Variants in PACRG observed in about 807,000 individuals in gnomAD.
PACRG encodes the protein parkin coregulated, also known as parkin coregulated gene protein.
A neutral mutation model predicts 29.7 loss-of-function variants in PACRG; 29 were observed. The observed-to-expected ratio is 0.98, with a 90% CI of 0.73 to 1.33. The LOEUF (loss-of-function observed/expected upper bound fraction) is 1.33, where lower values mean the gene tolerates loss of function less well. Among genes scored for constraint, PACRG ranks in the 40% most tolerant of loss-of-function variants. The pLI is 0.00. For missense variants in PACRG, 279 were observed against 316.2 expected, an observed-to-expected ratio of 0.88 and a Z score of 0.89; for synonymous variants, 116 against 118.7, an observed-to-expected ratio of 0.98 and a Z score of 0.15.
At chr6:162,765,966 C>T (rs556960269) in intron 1 of PACRG, among the ~76,000 whole-genome samples, 6 of 151,954 alleles carry the variant, frequency 3.9e-5, no homozygotes, top group Non-Finnish European at 8.8e-5. Flanking sequence ...TTTGTGTATA[C>T]TTACAGAGTA....
chr6:162,784,368 C>T (rs887344990), intron 1 of PACRG, among the ~76,000 whole-genome samples: 1 of 152,124 alleles, frequency 6.6e-6, no homozygotes, highest in Non-Finnish European at 1.5e-5. Context: ...CTCGATCTCC[C>T]TTGTCTGCGT....
chr6:162,947,238 A>C (rs897932825), intron 2 of PACRG, among the ~76,000 whole-genome samples: 1 of 141,730 alleles, frequency 7.1e-6, no homozygotes, highest in African/African-American at 2.8e-5. Flanking sequence ...TATAATATAG[A>C]TATATAAACA....
At chr6:163,194,232 G>T (rs1301599641) in intron 4 of PACRG, among the ~76,000 whole-genome samples, 1 of 152,120 alleles carries the variant, frequency 6.6e-6, no homozygotes, top group Non-Finnish European at 1.5e-5. Flanking sequence ...CATAGACTCA[G>T]TGCTCCTTTC....
intron 4 of PACRG, among the ~76,000 whole-genome samples, chr6:163,159,681 C>G (rs1778471510): frequency 6.6e-6 from 1 of 152,184 alleles, no homozygotes. Flanking sequence ...GACCCAATTA[C>G]TTGTCCTTTC....
At chr6:162,748,360 G>T (rs1245887031) in intron 1 of PACRG, among the ~76,000 whole-genome samples, 1 of 152,122 alleles carries the variant, frequency 6.6e-6, no homozygotes, top group Middle Eastern at 3.2e-3. Flanking sequence ...AGGCGTGGTG[G>T]CACCTGCCTG....
At chr6:162,735,096 T>C (rs1780064521) in intron 1 of PACRG, among the ~76,000 whole-genome samples, 1 of 152,216 alleles carries the variant, frequency 6.6e-6, no homozygotes. Flanking sequence ...TGTTTATCCC[T>C]GTCTAGTATT....
At chr6:162,952,536 C>A (rs1039321723) in intron 2 of PACRG, among the ~76,000 whole-genome samples, 1 of 152,150 alleles carries the variant, frequency 6.6e-6, no homozygotes, top group African/African-American at 2.4e-5. Flanking sequence ...TGAGCTTGAT[C>A]GTATCTCTTC....
intron 4 of PACRG, among the ~76,000 whole-genome samples, chr6:163,200,389 T>C (rs769415153): frequency 3.3e-5 from 5 of 152,184 alleles, no homozygotes; most frequent in African/African-American, 4.8e-5. Flanking sequence ...CTTGTCCCAA[T>C]GTCTACAGGA....
intron 2 of PACRG, among the ~76,000 whole-genome samples, chr6:162,875,639 T>C (rs993926134): frequency 2.6e-5 from 4 of 152,232 alleles, no homozygotes; most frequent in Non-Finnish European, 4.4e-5. Context: ...CCACTTGTCC[T>C]TTTCCTCTAA....
At chr6:162,974,847 G>T (rs1008901868) in intron 2 of PACRG, among the ~76,000 whole-genome samples, 1 of 152,134 alleles carries the variant, frequency 6.6e-6, no homozygotes, top group Non-Finnish European at 1.5e-5. Flanking sequence ...GATGAGTGGG[G>T]CTTGAACCTG....
chr6:162,818,821 G>A (rs1047903081), intron 2 of PACRG, among the ~76,000 whole-genome samples: 5 of 152,236 alleles, frequency 3.3e-5, no homozygotes, highest in Admixed American at 6.5e-5. Context: ...ATAACCAGGC[G>A]TAAGAATGTC....
chr6:163,161,654 G>A (rs753582617), intron 4 of PACRG, among the ~76,000 whole-genome samples: 9 of 152,076 alleles, frequency 5.9e-5, no homozygotes, highest in Admixed American at 2.0e-4. Flanking sequence ...GTTTCATTTC[G>A]AAAGAGATCA....
intron 4 of PACRG, among the ~76,000 whole-genome samples, chr6:163,131,262 C>G (rs1279609956): frequency 1.2e-4 from 1 of 8,240 alleles, no homozygotes. Context: ...GAGCCCAGAT[C>G]ACGCCACTGC....
At chr6:162,829,199 A>C (rs893110878) in intron 2 of PACRG, among the ~76,000 whole-genome samples, 2 of 152,246 alleles carry the variant, frequency 1.3e-5, no homozygotes, top group African/African-American at 2.4e-5. Context: ...TGAGCAGATA[A>C]AGTGTCATAT....
chr6:162,903,792 A>T (rs537300704), intron 2 of PACRG, among the ~76,000 whole-genome samples: 2 of 152,302 alleles, frequency 1.3e-5, no homozygotes, highest in East Asian at 3.9e-4. Context: ...ACTGCCCCCA[A>T]ATACCCCTTT....
At chr6:162,904,071 G>A (rs993491369) in intron 2 of PACRG, among the ~76,000 whole-genome samples, 16 of 152,190 alleles carry the variant, frequency 1.1e-4, no homozygotes, top group African/African-American at 3.6e-4. Context: ...ACTCAGGCAA[G>A]GGTTCTATGT....
chr6:163,260,549 G>A (rs1352765168), intron 4 of PACRG, among the ~76,000 whole-genome samples: 1 of 152,204 alleles, frequency 6.6e-6, no homozygotes, highest in Non-Finnish European at 1.5e-5. Flanking sequence ...AGCTTCGGGA[G>A]TTGCCAATCC....
At chr6:162,824,922 T>A (rs992521139) in intron 2 of PACRG, among the ~76,000 whole-genome samples, 3 of 152,218 alleles carry the variant, frequency 2.0e-5, no homozygotes, top group African/African-American at 7.2e-5. Context: ...TGTTAAACAT[T>A]TGCTGCTTCA....
At chr6:162,944,164 C>T (rs1448695404) in intron 2 of PACRG, among the ~76,000 whole-genome samples, 1 of 152,182 alleles carries the variant, frequency 6.6e-6, no homozygotes, top group Non-Finnish European at 1.5e-5. Flanking sequence ...ACCATAGCTT[C>T]TAGTAATAAC....
Sources: allele counts gnomAD v4.1 joint callset (sites outside exome capture counted in the v4.1 genomes callset), GRCh38; gene constraint gnomAD v4.1.1; transcripts MANE v1.5; gene names NCBI Gene and HGNC (gene_info 2026-07-23, HGNC 2026-07-21).